Variants in LAMA2 observed in about 807,000 individuals in gnomAD.
LAMA2 encodes the protein laminin subunit alpha 2, also known as laminin subunit alpha-2.
In LAMA2, 269 loss-of-function variants were observed where a neutral mutation model predicts 364.8. The ratio of observed to expected loss-of-function variants is 0.74; its 90% CI spans 0.67 to 0.82. The LOEUF (loss-of-function observed/expected upper bound fraction) is 0.82. Ranked by LOEUF, LAMA2 falls within the 40% of genes least tolerant of loss-of-function variation. The pLI is 0.00. For synonymous variants in LAMA2, 1,379 were observed against 1,370.6 expected (o/e 1.01, Z -0.14); for missense variants, 3,807 against 3,873.2 (o/e 0.98, Z 0.45).
intron 32 of LAMA2, 127 bp from the exon 33 acceptor site, chr6:129,366,092 G>A (rs1181819484): frequency 2.1e-6 from 2 of 964,306 alleles, no homozygotes; most frequent in Non-Finnish European, 3.3e-6. Flanking sequence ...TTAATATTCT[G>A]AGATGAGTAG....
chr6:129,491,016 G>T (rs545452282), intron 56 of LAMA2: 2 of 152,250 alleles, frequency 1.3e-5, no homozygotes, highest in South Asian at 4.1e-4. Flanking sequence ...ATAAAGTCAA[G>T]TAAGAGGGTA....
intron 2 of LAMA2, among the ~76,000 whole-genome samples, chr6:129,052,881 A>G (rs1236762610): frequency 6.6e-6 from 1 of 152,156 alleles, no homozygotes; most frequent in Non-Finnish European, 1.5e-5. Flanking sequence ...AAAGAGAGGC[A>G]TGCATAGTCC....
chr6:129,330,265 T>C (rs1471112464), intron 29 of LAMA2, among the ~76,000 whole-genome samples: 1 of 152,034 alleles, frequency 6.6e-6, no homozygotes, highest in Non-Finnish European at 1.5e-5. Context: ...CCCCCAATCC[T>C]AGTCCATGGA....
At chr6:129,145,932 A>C (rs1489772966) in intron 5 of LAMA2, among the ~76,000 whole-genome samples, 6 of 151,964 alleles carry the variant, frequency 3.9e-5, no homozygotes, top group Admixed American at 6.6e-5. Context: ...TGATGAGGTT[A>C]AATGGAAAAA....
intron 12 of LAMA2, among the ~76,000 whole-genome samples, chr6:129,226,028 T>G (rs1784246535): frequency 6.6e-6 from 1 of 152,204 alleles, no homozygotes; most frequent in African/African-American, 2.4e-5. Flanking sequence ...CTGTATTGGG[T>G]GCATATATAT....
chr6:129,305,046 G>A (rs757663388), intron 22 of LAMA2, among the ~76,000 whole-genome samples: 19 of 152,178 alleles, frequency 1.2e-4, no homozygotes, highest in East Asian at 1.9e-4. Flanking sequence ...AACTTTGTCC[G>A]TTTCTTCTTT....
At chr6:129,391,386 A>G in intron 35 of LAMA2, 105 bp from the exon 36 acceptor site, 1 of 972,136 alleles carries the variant, frequency 1.0e-6, no homozygotes, top group South Asian at 1.3e-5. Flanking sequence ...CTCACGGCAA[A>G]ATACTCTTCA....
chr6:129,514,214 T>C (rs561871328), intron 63 of LAMA2, among the ~76,000 whole-genome samples, 159 bp from the exon 64 acceptor site: 3 of 152,158 alleles, frequency 2.0e-5, no homozygotes, highest in Non-Finnish European at 2.9e-5. Context: ...ATACTTTAAT[T>C]TGTCAAGTTT....
chr6:129,497,052 C>T (rs1785244895), intron 58 of LAMA2, among the ~76,000 whole-genome samples: 3 of 152,032 alleles, frequency 2.0e-5, no homozygotes, highest in Non-Finnish European at 1.5e-5. Context: ...GTTAGTTTAA[C>T]TTTTCACATT....
At chr6:129,152,271 T>G (rs572542722) in intron 7 of LAMA2, among the ~76,000 whole-genome samples, 4 of 152,164 alleles carry the variant, frequency 2.6e-5, no homozygotes, top group Admixed American at 2.6e-4. Context: ...CAACAAATAT[T>G]TGAATGCTTA....
intron 1 of LAMA2, among the ~76,000 whole-genome samples, chr6:128,965,627 A>G (rs1204045637): frequency 6.6e-6 from 1 of 152,066 alleles, no homozygotes; most frequent in South Asian, 2.1e-4. Context: ...AATTCAATGT[A>G]TGTAAGTTTC....
At chr6:129,463,487 TC>T (rs1783372412) in intron 49 of LAMA2, among the ~76,000 whole-genome samples, 1 of 151,896 alleles carries the variant, frequency 6.6e-6, no homozygotes, top group East Asian at 1.9e-4. Context: ...CACAACTCTT[TC>T]CCGCAGGTAT....
chr6:129,198,213 C>T (rs977546972), intron 12 of LAMA2, among the ~76,000 whole-genome samples: 24 of 151,596 alleles, frequency 1.6e-4, no homozygotes, highest in African/African-American at 5.1e-4. Flanking sequence ...CTGCACAAAA[C>T]GCATGTCACC....
intron 34 of LAMA2, among the ~76,000 whole-genome samples, chr6:129,379,028 A>G (rs1451240044): frequency 6.6e-6 from 1 of 152,220 alleles, no homozygotes; most frequent in Non-Finnish European, 1.5e-5. Context: ...ATGCAGCCAT[A>G]AAAAAGAATG....
chr6:129,294,855 T>C (rs1011620581), intron 20 of LAMA2, among the ~76,000 whole-genome samples: 15 of 152,122 alleles, frequency 9.9e-5, no homozygotes, highest in African/African-American at 3.4e-4. Flanking sequence ...TTATTACCAA[T>C]GTTGTTAAAT....
chr6:129,080,198 A>AT, intron 3 of LAMA2, among the ~76,000 whole-genome samples: 1 of 152,164 alleles, frequency 6.6e-6, no homozygotes, highest in Non-Finnish European at 1.5e-5. Context: ...TAATTAGTAC[A>AT]TTTTGTATCA....
intron 12 of LAMA2, among the ~76,000 whole-genome samples, chr6:129,221,786 A>G (rs1783871209): frequency 6.6e-6 from 1 of 152,160 alleles, no homozygotes; most frequent in Non-Finnish European, 1.5e-5. Flanking sequence ...TAAACACATA[A>G]AAGTGTTCAT....
At chr6:128,911,348 T>C (rs925528168) in intron 1 of LAMA2, among the ~76,000 whole-genome samples, 1 of 152,056 alleles carries the variant, frequency 6.6e-6, no homozygotes, top group East Asian at 1.9e-4. Context: ...GGTTCGCCGT[T>C]TTTTAAGCCC....
rs140630542 is a variant in LAMA2 at position 129,369,718 on chromosome 6, C to T, written c.4861-174C>T. Among the ~76,000 whole-genome samples the T allele has an allele frequency of 4.2e-3, 639 of 152,252 alleles. 6 individuals carry two copies. The highest frequency in any genetic ancestry group is 0.015 in the African/African-American group (622 of 41,550). ...AAGTCACTGCAATTTTTATTATTTG[C>T]CTGAATATTTGGCATGACACTCAAT... On this transcript the variant is annotated intron_variant, in intron 33 of 64. Transcript: ENST00000421865.
Sources: gnomAD v4.1 joint callset for allele counts (sites outside exome capture counted in the v4.1 genomes callset) on GRCh38, gnomAD v4.1.1 for gene constraint, MANE v1.5 for transcripts, NCBI Gene and HGNC (gene_info 2026-07-23, HGNC 2026-07-21) for gene names.